The following PKHD1 variants were observed in gnomAD, a reference collection of about 807,000 sequenced individuals.
PKHD1 encodes fibrocystin.
Under a neutral mutation model 412.0 loss-of-function variants are expected in PKHD1, and 291 were observed. The ratio of observed to expected loss-of-function variants is 0.71; its 90% CI spans 0.64 to 0.78. The LOEUF (loss-of-function observed/expected upper bound fraction) is 0.78, where lower values mean the gene tolerates loss of function less well. Among genes scored for constraint, PKHD1 ranks in the 30% least tolerant of loss-of-function variants. PKHD1 has a pLI of 0.00. For missense variants in PKHD1, 4,825 were observed against 4,950.7 expected (o/e 0.97, Z 0.76); for synonymous variants, 1,777 against 1,821.5 (o/e 0.98, Z 0.62).
At chr6:51,849,647 G>A (rs894200917) in intron 49 of PKHD1, among the ~76,000 whole-genome samples, 1 of 152,168 alleles carries the variant, frequency 6.6e-6, no homozygotes, top group Non-Finnish European at 1.5e-5. Flanking sequence ...GATGATCAAT[G>A]ATGTTGAGCT....
intron 60 of PKHD1, among the ~76,000 whole-genome samples, chr6:51,718,304 T>C (rs185913814): frequency 5.3e-5 from 8 of 152,268 alleles, no homozygotes; most frequent in Admixed American, 3.9e-4. Flanking sequence ...TTTCACTGTG[T>C]CCAATTTGCC....
intron 15 of PKHD1, among the ~76,000 whole-genome samples, chr6:52,058,840 T>A (rs1169426211): frequency 6.6e-6 from 1 of 152,096 alleles, no homozygotes; most frequent in Admixed American, 6.5e-5. Context: ...CAAATGAGAA[T>A]AGATGGGCCA....
At chr6:51,910,879 A>G (rs1410084157) in intron 39 of PKHD1, among the ~76,000 whole-genome samples, 2 of 152,088 alleles carry the variant, frequency 1.3e-5, no homozygotes, top group African/African-American at 4.8e-5. Context: ...CCCCACACCC[A>G]ACCACATGGC....
chr6:51,925,879 CT>C (rs2127733655), intron 37 of PKHD1, among the ~76,000 whole-genome samples: 1 of 151,302 alleles, frequency 6.6e-6, no homozygotes, highest in Admixed American at 6.6e-5. Context: ...AAAGTTAATC[CT>C]GAGGCTTTTG....
In PKHD1 at chr6:51,637,787, C is replaced by T. The variant is rs1255103216; in HGVS notation, c.11506+1062G>A. Among the ~76,000 whole-genome samples, 3 of 151,888 alleles carry T rather than the reference C, an allele frequency of 2.0e-5. No individual in the cohort carries two copies. The East Asian group carries it at 5.8e-4, about 29-fold the overall frequency. On this transcript the variant is annotated intron_variant, in intron 64 of 66. Transcript: ENST00000371117. ...GGCTTGGTGGCGCATGCCTGTAATC[C>T]CAGTGACTCAGGAGGCTGAGGCAGA... is the stretch of plus-strand genomic sequence containing the variant.
intron 36 of PKHD1, among the ~76,000 whole-genome samples, chr6:51,955,860 T>A (rs1178729459): frequency 6.6e-6 from 1 of 152,084 alleles, no homozygotes; most frequent in African/African-American, 2.4e-5. Context: ...AGCCTGCAGA[T>A]GGTATCAGAA....
chr6:51,914,827 G>A (rs879745480), intron 37 of PKHD1, among the ~76,000 whole-genome samples: 4 of 151,822 alleles, frequency 2.6e-5, no homozygotes, highest in Admixed American at 6.6e-5. Context: ...TGTCAATTTC[G>A]TCCTTTCCGC....
chr6:52,058,034 G>C (rs918386219), intron 16 of PKHD1, among the ~76,000 whole-genome samples: 1 of 152,142 alleles, frequency 6.6e-6, no homozygotes, highest in Non-Finnish European at 1.5e-5. Flanking sequence ...CATACATGTC[G>C]GGCGTGTGTT....
Position 51,911,795 on chromosome 6 carries a change from C to T in PKHD1, c.6490+4G>A, listed in dbSNP as rs764221265. 3.0e-5 allele frequency: 48 copies of T among 1,611,558 alleles called. No homozygotes were observed. The highest frequency in any genetic ancestry group is 6.8e-6 in the Non-Finnish European group (8 of 1,178,154). On this transcript the variant is annotated splice_donor_region_variant and intron_variant, in intron 39 of 66. Transcript: ENST00000371117. ...TTAGACTTTCCAACAAAACACTCTT[C>T]TACCTTCTGGAGCATTGGCCTCCTG... is the stretch of plus-strand genomic sequence containing the variant.
At chr6:51,864,068 A>G (rs938385204) in intron 48 of PKHD1, among the ~76,000 whole-genome samples, 1 of 152,196 alleles carries the variant, frequency 6.6e-6, no homozygotes, top group South Asian at 2.1e-4. Context: ...CCTGCGCAGC[A>G]TGCTCAGGGA....
chr6:51,929,128 G>C (rs562369168), intron 37 of PKHD1, among the ~76,000 whole-genome samples: 1 of 152,290 alleles, frequency 6.6e-6, no homozygotes, highest in East Asian at 1.9e-4. Flanking sequence ...GGTGACGAGA[G>C]AGTGGAGATT....
intron 35 of PKHD1, among the ~76,000 whole-genome samples, chr6:51,967,436 ACATGC>A (rs1439425836): frequency 2.6e-5 from 4 of 152,192 alleles, no homozygotes; most frequent in African/African-American, 9.6e-5. Flanking sequence ...CAGTATTAAA[ACATGC>A]GCAAAATGGA....
intron 35 of PKHD1, among the ~76,000 whole-genome samples, chr6:51,971,541 A>C (rs897082656): frequency 4.6e-5 from 7 of 152,182 alleles, no homozygotes; most frequent in Non-Finnish European, 8.8e-5. Flanking sequence ...AAGAATTATG[A>C]CTACCAAAGA....
At chr6:51,705,199 C>T (rs78338504) in intron 60 of PKHD1, among the ~76,000 whole-genome samples, 6,293 of 152,006 alleles carry the variant, frequency 0.041, 185 homozygotes, top group East Asian at 0.096. Context: ...AGTAGAAGAA[C>T]CAGGAGAGTG....
In PKHD1 at chr6:51,781,759, A is replaced by C. The variant is rs561385936; in HGVS notation, c.8441-5838T>G. On this transcript the variant is annotated intron_variant, in intron 53 of 66. Transcript: ENST00000371117. The stretch of plus-strand genomic sequence containing the variant: ...ACCATGGAGGTATCACACTTATTTA[A>C]AATTAACCTTTAAATTTGAAAACTT... Among the ~76,000 whole-genome samples, 33 of 152,168 alleles carry C rather than the reference A, an allele frequency of 2.2e-4. No individual in the cohort carries two copies. In the East Asian group the frequency reaches 6.2e-3, roughly 28 times the overall value.
chr6:51,830,177 G>A (rs895614936), intron 52 of PKHD1, among the ~76,000 whole-genome samples: 1 of 151,966 alleles, frequency 6.6e-6, no homozygotes, highest in Non-Finnish European at 1.5e-5. Flanking sequence ...AGGTCTTTGG[G>A]GGAAAATATA....
At chr6:51,817,055 A>G (rs1765574685) in intron 52 of PKHD1, among the ~76,000 whole-genome samples, 1 of 133,858 alleles carries the variant, frequency 7.5e-6, no homozygotes, top group Admixed American at 7.4e-5. Flanking sequence ...CCGAGGAGCA[A>G]GAGAGAGTCA....
intron 65 of PKHD1, among the ~76,000 whole-genome samples, chr6:51,629,658 T>C (rs1479604975): frequency 6.6e-6 from 1 of 152,050 alleles, no homozygotes; most frequent in African/African-American, 2.4e-5. Flanking sequence ...CTAAAGAAAA[T>C]TAAATTTTAT....
At chr6:52,059,259 C>CTTTTTTTTTTTTTTTTTTTTTTTTTTT (rs55992586) in intron 15 of PKHD1, among the ~76,000 whole-genome samples, 8 of 83,516 alleles carry the variant, frequency 9.6e-5, no homozygotes, top group East Asian at 7.9e-4. Context: ...TTTTCTTTTT[C>CTTTTTTTTTTTTTTTTTTTTTTTTTTT]TTTTTTTTTT....
Sources: gnomAD v4.1 joint callset for allele counts (sites outside exome capture counted in the v4.1 genomes callset) on GRCh38, gnomAD v4.1.1 for gene constraint, MANE v1.5 for transcripts, NCBI Gene and HGNC (gene_info 2026-07-23, HGNC 2026-07-21) for gene names.